Variants in TASP1 observed in about 807,000 individuals in gnomAD.
The protein encoded by TASP1 is taspase 1.
In TASP1, 16 loss-of-function variants were observed where a neutral mutation model predicts 56.6. The observed-to-expected ratio is 0.28, with a 90% CI of 0.19 to 0.43. The LOEUF is 0.43. Ranked by LOEUF, TASP1 falls within the 20% of genes least tolerant of loss-of-function variation. TASP1 has a pLI of 1.00. For missense variants in TASP1, 393 were observed against 511.6 expected, an observed-to-expected ratio of 0.77 and a Z score of 2.24; for synonymous variants, 179 against 184.2, an observed-to-expected ratio of 0.97 and a Z score of 0.23.
chr20:13,225,188 G>A, the TASP1 span, among the ~76,000 whole-genome samples: 3 of 152,048 alleles, frequency 2.0e-5, no homozygotes, highest in African/African-American at 7.2e-5. Context: ...AAAATCCCGG[G>A]AATTAGGTGC....
At chr20:13,361,141 G>A in the TASP1 span, among the ~76,000 whole-genome samples, 26 of 152,106 alleles carry the variant, frequency 1.7e-4, no homozygotes, top group African/African-American at 5.1e-4. Context: ...CATCAAGCTC[G>A]AGGATTTGCC....
the TASP1 span, among the ~76,000 whole-genome samples, chr20:13,283,928 G>A: frequency 4.6e-5 from 7 of 152,108 alleles, no homozygotes; most frequent in African/African-American, 4.8e-5. Flanking sequence ...CCAGAGCAAC[G>A]TGGGCCAGAA....
chr20:13,253,422 C>A, the TASP1 span, among the ~76,000 whole-genome samples: 1 of 152,134 alleles, frequency 6.6e-6, no homozygotes, highest in Non-Finnish European at 1.5e-5. Flanking sequence ...TGTGCTTTTC[C>A]AAGATAAAAG....
intron 1 of TASP1, among the ~76,000 whole-genome samples, chr20:13,636,113 A>T (rs2049295640): frequency 1.3e-5 from 2 of 149,388 alleles, no homozygotes; most frequent in Non-Finnish European, 3.0e-5. Context: ...AGCTATTACA[A>T]CTCATGAATA....
chr20:13,373,025 A>G, the TASP1 span, among the ~76,000 whole-genome samples: 1 of 152,136 alleles, frequency 6.6e-6, no homozygotes, highest in African/African-American at 2.4e-5. Flanking sequence ...ATTTTTGTCT[A>G]TTAAAGAGAG....
At chr20:13,509,669 A>G (rs962628633) in intron 10 of TASP1, among the ~76,000 whole-genome samples, 3 of 152,164 alleles carry the variant, frequency 2.0e-5, no homozygotes, top group Admixed American at 6.5e-5. Flanking sequence ...TCTGTCACCC[A>G]GGCTGGAGTG....
chr20:13,409,510 T>A (rs2123704217), intron 13 of TASP1, among the ~76,000 whole-genome samples: 1 of 152,302 alleles, frequency 6.6e-6, no homozygotes, highest in Non-Finnish European at 1.5e-5. Context: ...CTCCTATGTC[T>A]GACACTAATA....
the TASP1 span, among the ~76,000 whole-genome samples, chr20:13,247,520 GTGT>G: frequency 0.01 from 867 of 85,308 alleles, 5 homozygotes; most frequent in Middle Eastern, 0.024. Flanking sequence ...AGTGAGGGGT[GTGT>G]GTGTGTGTGT....
the TASP1 span, chr20:13,270,800 T>C: frequency 9.0e-6 from 14 of 1,547,796 alleles, no homozygotes; most frequent in South Asian, 1.2e-5. Flanking sequence ...TTTTGTTTTC[T>C]GATGATTCCA....
chr20:13,402,935 C>G (rs6134862), intron 13 of TASP1, among the ~76,000 whole-genome samples: 3 of 152,030 alleles, frequency 2.0e-5, no homozygotes, highest in African/African-American at 7.3e-5. Context: ...AATATTCTCC[C>G]TTCTTCTTTC....
At chr20:13,597,663 T>C (rs1001195305) in intron 4 of TASP1, among the ~76,000 whole-genome samples, 6 of 152,162 alleles carry the variant, frequency 3.9e-5, no homozygotes, top group South Asian at 2.1e-4. Context: ...TTCAACATAG[T>C]GTTGGAAGTT....
the TASP1 span, among the ~76,000 whole-genome samples, chr20:13,132,441 T>C: frequency 6.6e-6 from 1 of 152,080 alleles, no homozygotes; most frequent in Non-Finnish European, 1.5e-5. Context: ...CCTCCCAAAG[T>C]ACTGGGATTA....
intron 8 of TASP1, among the ~76,000 whole-genome samples, chr20:13,547,852 T>C (rs992575168): frequency 1.3e-5 from 2 of 152,162 alleles, no homozygotes; most frequent in African/African-American, 4.8e-5. Flanking sequence ...ATTTATTATA[T>C]GTCAAGCTGA....
At chr20:13,590,218 G>T (rs754058244) in intron 4 of TASP1, among the ~76,000 whole-genome samples, 2 of 151,778 alleles carry the variant, frequency 1.3e-5, no homozygotes, top group Admixed American at 6.6e-5. Context: ...TGGGTGACAG[G>T]GCGAGACTCT....
the TASP1 span, among the ~76,000 whole-genome samples, chr20:13,128,702 A>T: frequency 1.1e-4 from 17 of 151,342 alleles, no homozygotes; most frequent in African/African-American, 1.7e-4. Context: ...GGGTTTTTTT[A>T]AAATTTGAGA....
At chr20:13,603,997 G>T (rs1223025478) in intron 4 of TASP1, among the ~76,000 whole-genome samples, 1 of 152,168 alleles carries the variant, frequency 6.6e-6, no homozygotes. Flanking sequence ...TCTCCAGCAA[G>T]AATTCTGTTA....
At chr20:13,295,573 C>T in the TASP1 span, among the ~76,000 whole-genome samples, 1 of 152,152 alleles carries the variant, frequency 6.6e-6, no homozygotes, top group African/African-American at 2.4e-5. Flanking sequence ...TTAGACACCT[C>T]CAAGACCCAG....
intron 10 of TASP1, among the ~76,000 whole-genome samples, chr20:13,488,053 TG>T (rs1324580304): frequency 6.6e-6 from 1 of 151,868 alleles, no homozygotes; most frequent in Non-Finnish European, 1.5e-5. Context: ...AGAAAGAAAA[TG>T]AGGAGTTAAG....
intron 10 of TASP1, among the ~76,000 whole-genome samples, chr20:13,490,707 C>A (rs1490536176): frequency 3.3e-5 from 5 of 150,938 alleles, no homozygotes; most frequent in African/African-American, 9.7e-5. Context: ...TACACACACA[C>A]CCCTACCTTA....
Sources: gnomAD v4.1 joint callset for allele counts (sites outside exome capture counted in the v4.1 genomes callset) on GRCh38, gnomAD v4.1.1 for gene constraint, MANE v1.5 for transcripts, NCBI Gene and HGNC (gene_info 2026-07-23, HGNC 2026-07-21) for gene names.